The following THSD4 variants were observed in gnomAD, a reference collection of about 807,000 sequenced individuals.
THSD4 encodes thrombospondin type 1 domain containing 4, also known as thrombospondin type-1 domain-containing protein 4.
In THSD4, 69 loss-of-function variants were observed where a neutral mutation model predicts 119.0. The ratio of observed to expected loss-of-function variants is 0.58; its 90% CI spans 0.48 to 0.71. The LOEUF (loss-of-function observed/expected upper bound fraction) is 0.71, where lower values mean the gene tolerates loss of function less well. Ranked by LOEUF, THSD4 falls within the 30% of genes least tolerant of loss-of-function variation. The probability of loss-of-function intolerance (pLI) is 0.00; values close to 1 mark genes in which losing one functional copy is unlikely to be tolerated. For missense variants in THSD4, 1,393 were observed against 1,391.1 expected, an observed-to-expected ratio of 1.00 and a Z score of -0.02; for synonymous variants, 524 against 540.4, an observed-to-expected ratio of 0.97 and a Z score of 0.42.
At chr15:71,435,926 A>G (rs913484295) in intron 7 of THSD4, among the ~76,000 whole-genome samples, 1 of 152,168 alleles carries the variant, frequency 6.6e-6, no homozygotes, top group African/African-American at 2.4e-5. Context: ...ATTTGGGGAG[A>G]AAAAGAGAGT....
intron 11 of THSD4, among the ~76,000 whole-genome samples, chr15:71,738,910 G>T (rs185402432): frequency 6.6e-6 from 1 of 152,184 alleles, no homozygotes; most frequent in East Asian, 1.9e-4. Flanking sequence ...TCTCTCTCAG[G>T]AGCTGGTCAA....
intron 6 of THSD4, among the ~76,000 whole-genome samples, chr15:71,299,467 CAGA>C (rs2044914110): frequency 6.6e-6 from 1 of 152,140 alleles, no homozygotes; most frequent in African/African-American, 2.4e-5. Context: ...ATAAGCCAGG[CAGA>C]AGAAGACAAA....
intron 7 of THSD4, among the ~76,000 whole-genome samples, chr15:71,468,888 G>T (rs2047535357): frequency 6.6e-6 from 1 of 152,314 alleles, no homozygotes; most frequent in South Asian, 2.1e-4. Context: ...CACTACTTCT[G>T]CTCCCATCCT....
chr15:71,271,591 A>G (rs1027333885), intron 6 of THSD4, among the ~76,000 whole-genome samples: 3 of 152,228 alleles, frequency 2.0e-5, no homozygotes, highest in African/African-American at 7.2e-5. Context: ...CCATTGAACT[A>G]TACACTTATG....
chr15:71,427,485 A>G (rs2046888045), intron 7 of THSD4, among the ~76,000 whole-genome samples: 2 of 151,232 alleles, frequency 1.3e-5, no homozygotes, highest in South Asian at 4.2e-4. Flanking sequence ...CATTAAATGG[A>G]ATGTTAGGTG....
At chr15:71,371,310 A>C (rs1330046889) in intron 6 of THSD4, among the ~76,000 whole-genome samples, 1 of 152,102 alleles carries the variant, frequency 6.6e-6, no homozygotes, top group Non-Finnish European at 1.5e-5. Flanking sequence ...TATGAATTTG[A>C]TCCTGTCATT....
chr15:71,199,225 G>C (rs901267829), intron 3 of THSD4, among the ~76,000 whole-genome samples: 1 of 152,120 alleles, frequency 6.6e-6, no homozygotes, highest in African/African-American at 2.4e-5. Flanking sequence ...ATGATTTTGT[G>C]CCCCATCCCT....
At chr15:71,444,960 G>A (rs2047159947) in intron 7 of THSD4, among the ~76,000 whole-genome samples, 2 of 152,090 alleles carry the variant, frequency 1.3e-5, no homozygotes, top group Non-Finnish European at 1.5e-5. Context: ...CCTTAGCATG[G>A]CATTCAGTAT....
chr15:71,119,590 C>T (rs896450865), intron 1 of THSD4, among the ~76,000 whole-genome samples: 3 of 152,156 alleles, frequency 2.0e-5, no homozygotes, highest in African/African-American at 7.2e-5. Flanking sequence ...GAAGGCCCAG[C>T]CCCCTCAGCT....
At chr15:71,226,795 T>C (rs1179731695) in intron 4 of THSD4, among the ~76,000 whole-genome samples, 1 of 152,226 alleles carries the variant, frequency 6.6e-6, no homozygotes, top group Non-Finnish European at 1.5e-5. Flanking sequence ...TTTGGCCTTA[T>C]CTGTGTTTCT....
rs78413484 is a variant in THSD4 at position 71,609,806 on chromosome 15, C to G, written c.1153-50724C>G. On this transcript the variant is annotated intron_variant, in intron 7 of 17. Coordinates refer to ENST00000261862, the MANE Select transcript of THSD4 (RefSeq NM_024817.3). ...GGCAGAGCTTGCAGTGAGCGGAGAT[C>G]ATGCCACTGCACTCCAGCCTGGGCG... is the stretch of plus-strand genomic sequence containing the variant. 2.1e-5 allele frequency among the ~76,000 whole-genome samples: 3 copies of G among 142,762 alleles called. No individual in the cohort carries two copies. The South Asian group carries it at 6.7e-4, about 32-fold the overall frequency. 93.7% of individuals were successfully genotyped at this position (142,762 alleles called of 152,430 possible).
rs185862612 is a variant in THSD4 at position 71,530,596 on chromosome 15, A to G, written c.1152+118773A>G. Among the ~76,000 whole-genome samples the G allele has an allele frequency of 8.5e-3, 1,272 of 150,186 alleles. 11 individuals are homozygous for G. The highest frequency in any genetic ancestry group is 0.027 in the Middle Eastern group (8 of 294). On this transcript the variant is annotated intron_variant, in intron 7 of 17. Transcript: ENST00000261862. ...CACAAAGATGGTAATATACACATCTATTTAATATGGTATCAGCTGACATCT... is the reference window on the plus strand; with the variant it reads ...CACAAAGATGGTAATATACACATCTGTTTAATATGGTATCAGCTGACATCT...
intron 3 of THSD4, among the ~76,000 whole-genome samples, chr15:71,159,108 T>C (rs1393079511): frequency 6.6e-6 from 1 of 152,158 alleles, no homozygotes; most frequent in Non-Finnish European, 1.5e-5. Flanking sequence ...GTTCCTGGCA[T>C]CTTTGTTGAA....
intron 8 of THSD4, among the ~76,000 whole-genome samples, chr15:71,682,736 A>G (rs1184282044): frequency 2.0e-5 from 3 of 152,136 alleles, no homozygotes; most frequent in Non-Finnish European, 2.9e-5. Context: ...TCACATACTT[A>G]CCATTTATTG....
chr15:71,270,285 G>T (rs1389247127), intron 6 of THSD4, among the ~76,000 whole-genome samples: 1 of 152,186 alleles, frequency 6.6e-6, no homozygotes, highest in African/African-American at 2.4e-5. Flanking sequence ...AGAGGCCTCA[G>T]AAATAATGCC....
intron 3 of THSD4, among the ~76,000 whole-genome samples, chr15:71,197,786 T>A (rs1390050899): frequency 6.6e-6 from 1 of 152,134 alleles, no homozygotes; most frequent in Non-Finnish European, 1.5e-5. Flanking sequence ...TCCCACTGAA[T>A]ACCTGCTGCC....
chr15:71,440,084 T>G (rs1458799830), intron 7 of THSD4, among the ~76,000 whole-genome samples: 1 of 151,718 alleles, frequency 6.6e-6, no homozygotes, highest in Admixed American at 6.6e-5. Flanking sequence ...CCAAAAAGAT[T>G]TTTTTTTTCC....
intron 6 of THSD4, among the ~76,000 whole-genome samples, chr15:71,258,517 T>C (rs929084494): frequency 6.6e-6 from 1 of 152,146 alleles, no homozygotes; most frequent in Non-Finnish European, 1.5e-5. Flanking sequence ...TATGCGAAGC[T>C]GGGTAAAGAA....
chr15:71,723,539 G>A (rs1242313402), intron 8 of THSD4, among the ~76,000 whole-genome samples: 1 of 152,180 alleles, frequency 6.6e-6, no homozygotes, highest in Non-Finnish European at 1.5e-5. Flanking sequence ...TTACTATGTG[G>A]TGAGCACTAT....
Sources: allele counts gnomAD v4.1 joint callset (sites outside exome capture counted in the v4.1 genomes callset), GRCh38; gene constraint gnomAD v4.1.1; transcripts MANE v1.5; gene names NCBI Gene and HGNC (gene_info 2026-07-23, HGNC 2026-07-21).